Variants in CRTAC1 observed in about 807,000 individuals in gnomAD.
The protein encoded by CRTAC1 is acidic secreted protein in cartilage.
Under a neutral mutation model 67.8 loss-of-function variants are expected in CRTAC1, and 37 were observed. That is an observed-to-expected ratio of 0.55 (90% CI 0.42 to 0.72). CRTAC1 has a LOEUF of 0.72. CRTAC1 is among the 30% of genes least tolerant of loss of function. The pLI is 0.00. For synonymous variants in CRTAC1, 348 were observed against 371.0 expected, an observed-to-expected ratio of 0.94 and a Z score of 0.71; for missense variants, 780 against 931.6, an observed-to-expected ratio of 0.84 and a Z score of 2.12.
intron 11 of CRTAC1, among the ~76,000 whole-genome samples, chr10:97,892,712 G>A (rs1037868232): frequency 2.6e-5 from 4 of 152,148 alleles, no homozygotes; most frequent in South Asian, 2.1e-4. Flanking sequence ...GATAAGTGTC[G>A]GCTACTGCTA....
intron 11 of CRTAC1, among the ~76,000 whole-genome samples, chr10:97,894,427 C>T (rs1188037137): frequency 6.6e-6 from 1 of 151,706 alleles, no homozygotes; most frequent in Non-Finnish European, 1.5e-5. Flanking sequence ...GAGTCTCACT[C>T]ACTCCAGCAT....
At chr10:98,007,781 A>G (rs1842822065) in intron 2 of CRTAC1, among the ~76,000 whole-genome samples, 1 of 152,248 alleles carries the variant, frequency 6.6e-6, no homozygotes, top group African/African-American at 2.4e-5. Flanking sequence ...CAAGCTAGAC[A>G]AGGTTGAGAC....
At chr10:97,920,191 A>G (rs1301349460) in intron 4 of CRTAC1, among the ~76,000 whole-genome samples, 3 of 152,228 alleles carry the variant, frequency 2.0e-5, no homozygotes, top group African/African-American at 7.2e-5. Flanking sequence ...ACCAGCTGGC[A>G]GCAATCTCAT....
At position 97,885,350 on chromosome 10, in the gene CRTAC1, A is replaced by G. The variant is rs147288574; in HGVS notation, c.1487-999T>C. On this transcript the variant is annotated intron_variant, in intron 11 of 14. Coordinates refer to ENST00000370597, the MANE Select transcript of CRTAC1 (RefSeq NM_018058.7). ...CCCTGTTTCTGAAAAAAATAAAAAC[A>G]AACAAAAAACAACTTAGAAAAGATG... is the stretch of plus-strand genomic sequence containing the variant. Among the ~76,000 whole-genome samples, 71 of 152,318 alleles carry G rather than the reference A, an allele frequency of 4.7e-4. No homozygotes were observed. In the East Asian group the frequency reaches 0.012, roughly 26 times the overall value.
intron 1 of CRTAC1, among the ~76,000 whole-genome samples, chr10:98,017,485 T>C (rs1323620553): frequency 6.6e-6 from 1 of 152,098 alleles, no homozygotes; most frequent in Admixed American, 6.5e-5. Context: ...GGGCCAGAGA[T>C]GGGAAAACTT....
intron 5 of CRTAC1, among the ~76,000 whole-genome samples, chr10:97,911,138 C>G (rs1045471311): frequency 2.6e-5 from 4 of 152,210 alleles, no homozygotes; most frequent in Admixed American, 2.0e-4. Context: ...ACCAGCTTCT[C>G]TGAGAATCCC....
At chr10:97,931,832 C>T (rs558898455) in intron 3 of CRTAC1, among the ~76,000 whole-genome samples, 24 of 152,182 alleles carry the variant, frequency 1.6e-4, no homozygotes, top group African/African-American at 5.5e-4. Flanking sequence ...AGTGTGTGAC[C>T]CCCCCCAGGG....
rs893317421 is a variant in CRTAC1 at position 97,894,751 on chromosome 10, T to C, written c.1486+494A>G. 1.3e-3 allele frequency among the ~76,000 whole-genome samples: 119 copies of C among 89,386 alleles called. 13 individuals are homozygous for C. Among genetic ancestry groups the C allele is most frequent in the African/African-American group, 4.9e-3 (119 of 24,132 alleles). 58.6% of individuals were successfully genotyped at this position (89,386 alleles called of 152,430 possible). On this transcript the variant is annotated intron_variant, in intron 11 of 14. Coordinates refer to ENST00000370597, the MANE Select transcript of CRTAC1 (RefSeq NM_018058.7). ...ATATATATATATATATATATATATA[T>C]ATATATATATATATGATAGGATTTT...
intron 1 of CRTAC1, among the ~76,000 whole-genome samples, chr10:98,017,664 G>C (rs1282868171): frequency 1.3e-5 from 2 of 151,382 alleles, no homozygotes; most frequent in African/African-American, 4.9e-5. Flanking sequence ...CTCTCAAGTA[G>C]CCTAGGACTC....
At chr10:97,903,187 G>A (rs1432282220) in intron 7 of CRTAC1, among the ~76,000 whole-genome samples, 2 of 149,230 alleles carry the variant, frequency 1.3e-5, no homozygotes, top group Non-Finnish European at 1.5e-5. Context: ...CCCTCAGTGC[G>A]TTGGCGTTTG....
At chr10:97,989,124 C>T (rs1258411137) in intron 2 of CRTAC1, among the ~76,000 whole-genome samples, 2 of 152,186 alleles carry the variant, frequency 1.3e-5, no homozygotes, top group Admixed American at 1.3e-4. Flanking sequence ...CATTGGCTCC[C>T]CTGGTTCTCA....
chr10:97,879,304 T>C (rs112548894), intron 14 of CRTAC1, among the ~76,000 whole-genome samples: 3,081 of 152,176 alleles, frequency 0.02, 105 homozygotes, highest in African/African-American at 0.068. Context: ...AGCAGGCACA[T>C]GGTACATTAT....
intron 11 of CRTAC1, among the ~76,000 whole-genome samples, chr10:97,894,043 A>G (rs2050415530): frequency 6.6e-6 from 1 of 152,244 alleles, no homozygotes; most frequent in Admixed American, 6.5e-5. Flanking sequence ...AAGTATAAAG[A>G]TACTATGAAC....
At chr10:97,891,601 G>A (rs1416517477) in intron 11 of CRTAC1, among the ~76,000 whole-genome samples, 1 of 152,248 alleles carries the variant, frequency 6.6e-6, no homozygotes, top group African/African-American at 2.4e-5. Flanking sequence ...CTGGAGGGCA[G>A]GGGGCATTTC....
intron 2 of CRTAC1, among the ~76,000 whole-genome samples, chr10:97,994,903 C>T (rs1842526410): frequency 6.6e-6 from 1 of 152,188 alleles, no homozygotes; most frequent in Non-Finnish European, 1.5e-5. Flanking sequence ...GTGTGAGGAG[C>T]TCTGGAATGC....
At chr10:97,905,548 G>T (rs1344240937) in intron 6 of CRTAC1, among the ~76,000 whole-genome samples, 1 of 152,142 alleles carries the variant, frequency 6.6e-6, no homozygotes, top group East Asian at 1.9e-4. Context: ...GTGCGGTTAC[G>T]TTCCTTTGTG....
At chr10:97,890,090 TAC>T (rs56001448) in intron 11 of CRTAC1, among the ~76,000 whole-genome samples, 14,432 of 150,388 alleles carry the variant, frequency 0.096, 809 homozygotes, top group Non-Finnish European at 0.13. Context: ...CCAGGATGTG[TAC>T]ACACACACAC....
At chr10:97,907,456 C>T (rs1235422744) in intron 6 of CRTAC1, among the ~76,000 whole-genome samples, 1 of 151,970 alleles carries the variant, frequency 6.6e-6, no homozygotes, top group Non-Finnish European at 1.5e-5. Context: ...CAGCTGGGGG[C>T]CTGGGGCACT....
rs1434929867 is a variant in CRTAC1 at position 97,880,329 on chromosome 10, G to A, written c.1739C>T (p.Thr580Ile). 4 of 1,614,188 alleles carry A rather than the reference G, an allele frequency of 2.5e-6. No individual in the cohort carries two copies. Among genetic ancestry groups the A allele is most frequent in the Non-Finnish European group, 3.4e-6 (4 of 1,180,016 alleles). ...GGTCCGGCACCTGTAGCTTCCATAG[G>A]TGTTGACACATACGGGCTTGTCTCG... ...CPRDKPVCVN[T>I]YGSYRCRTNK... The change falls in exon 14 of 15, where the codon ACC (threonine) becomes ATC (isoleucine). Residue 580 changes from threonine (T) to isoleucine (I), a missense_variant. Physicochemically the swap from Thr to Ile is moderately conservative, Grantham distance 89 (BLOSUM62 -1). Transcript: ENST00000370597.
Sources: gnomAD v4.1 joint callset for allele counts (sites outside exome capture counted in the v4.1 genomes callset) on GRCh38, gnomAD v4.1.1 for gene constraint, MANE v1.5 for transcripts, NCBI Gene and HGNC (gene_info 2026-07-23, HGNC 2026-07-21) for gene names.